Variants in NRXN3 observed in about 807,000 individuals in gnomAD.
NRXN3 encodes neurexin 3.
A neutral mutation model predicts 137.6 loss-of-function variants in NRXN3; 32 were observed. The ratio of observed to expected loss-of-function variants is 0.23; its 90% confidence interval spans 0.18 to 0.31. The LOEUF (loss-of-function observed/expected upper bound fraction) is 0.31. NRXN3 is among the 10% of genes least tolerant of loss of function. NRXN3 has a pLI of 1.00. For missense variants in NRXN3, 1,574 were observed against 2,062.5 expected (o/e 0.76, Z 4.59); for synonymous variants, 798 against 784.5 (o/e 1.02, Z -0.29).
intron 15 of NRXN3, among the ~76,000 whole-genome samples, chr14:79,078,158 G>A (rs1385520559): frequency 2.6e-5 from 4 of 152,042 alleles, no homozygotes. Flanking sequence ...GCTGCTCTTA[G>A]AATCACAGGA....
chr14:78,307,377 C>T (rs1001450418), intron 4 of NRXN3, among the ~76,000 whole-genome samples: 1 of 151,920 alleles, frequency 6.6e-6, no homozygotes, highest in African/African-American at 2.4e-5. Flanking sequence ...CATGTATTTT[C>T]CCCACTCAAT....
At chr14:79,515,772 C>A (rs1256029284) in intron 16 of NRXN3, among the ~76,000 whole-genome samples, 1 of 152,074 alleles carries the variant, frequency 6.6e-6, no homozygotes, top group East Asian at 1.9e-4. Flanking sequence ...GATAATGACA[C>A]CTTGACAGAT....
intron 1 of NRXN3, among the ~76,000 whole-genome samples, chr14:78,213,009 G>A (rs1471022797): frequency 6.6e-6 from 1 of 152,168 alleles, no homozygotes; most frequent in Non-Finnish European, 1.5e-5. Context: ...TAAGGACCTG[G>A]GTTTTATGGA....
chr14:78,730,427 C>A lies in NRXN3; in HGVS notation c.2044+15288C>A, dbSNP rs552504111. Among the ~76,000 whole-genome samples, 64 of 152,256 alleles carry A rather than the reference C, an allele frequency of 4.2e-4. No individual in the cohort carries two copies. The South Asian group carries it at 5.2e-3, about 12-fold the overall frequency. On this transcript the variant is annotated intron_variant, in intron 8 of 20. Coordinates refer to ENST00000335750, the MANE Select transcript of NRXN3 (RefSeq NM_001330195.2). ...CTTCATTATTTTTTTCCCTGATAAA[C>A]CCCACACAGTCCTTTCTTCATTTCT...
intron 4 of NRXN3, among the ~76,000 whole-genome samples, chr14:78,389,137 AC>A (rs1567447158): frequency 6.6e-6 from 1 of 151,246 alleles, no homozygotes; most frequent in African/African-American, 2.4e-5. Flanking sequence ...CTCACTGCAA[AC>A]TTTGCCTCCT....
At chr14:78,304,618 T>C (rs1048395425) in intron 4 of NRXN3, among the ~76,000 whole-genome samples, 1 of 152,178 alleles carries the variant, frequency 6.6e-6, no homozygotes, top group Admixed American at 6.5e-5. Context: ...CATTTAGGGA[T>C]TGCCCGTTCT....
At chr14:79,528,604 A>C (rs1678335768) in intron 16 of NRXN3, among the ~76,000 whole-genome samples, 1 of 152,108 alleles carries the variant, frequency 6.6e-6, no homozygotes, top group Non-Finnish European at 1.5e-5. Context: ...GATTACAGGT[A>C]ATTTTGATTC....
At chr14:78,192,017 C>A (rs1487936475) in intron 1 of NRXN3, among the ~76,000 whole-genome samples, 5 of 151,572 alleles carry the variant, frequency 3.3e-5, no homozygotes, top group Non-Finnish European at 7.4e-5. Context: ...CCACGAGGCC[C>A]CTTTGGAGAG....
chr14:79,174,504 T>TAC (rs2062105112), intron 15 of NRXN3, among the ~76,000 whole-genome samples: 4 of 146,698 alleles, frequency 2.7e-5, no homozygotes, highest in Non-Finnish European at 6.0e-5. Context: ...GAAAGTTTTA[T>TAC]ATATATATAT....
intron 2 of NRXN3, among the ~76,000 whole-genome samples, chr14:78,267,302 G>C (rs967293820): frequency 2.6e-5 from 4 of 152,118 alleles, no homozygotes; most frequent in African/African-American, 9.7e-5. Flanking sequence ...TAGCAATATT[G>C]GCATTTGAGC....
chr14:79,076,924 C>T (rs2046073692), intron 15 of NRXN3, among the ~76,000 whole-genome samples: 3 of 152,138 alleles, frequency 2.0e-5, no homozygotes, highest in African/African-American at 7.2e-5. Context: ...GCATTGTGGG[C>T]ACTCAAGTAC....
At chr14:78,439,110 A>T (rs970355966) in intron 4 of NRXN3, among the ~76,000 whole-genome samples, 2 of 152,120 alleles carry the variant, frequency 1.3e-5, no homozygotes, top group African/African-American at 2.4e-5. Flanking sequence ...GTGGGGCTTG[A>T]TCATGTTTGT....
chr14:78,766,657 T>C (rs554288247), intron 8 of NRXN3, among the ~76,000 whole-genome samples: 1 of 152,322 alleles, frequency 6.6e-6, no homozygotes, highest in African/African-American at 2.4e-5. Flanking sequence ...TATAGAGAAA[T>C]GATAACATGA....
chr14:79,445,533 A>G (rs2096048909), intron 15 of NRXN3, among the ~76,000 whole-genome samples: 1 of 152,194 alleles, frequency 6.6e-6, no homozygotes, highest in Admixed American at 6.5e-5. Context: ...AGAACACCTT[A>G]CTGCTCATGG....
intron 6 of NRXN3, among the ~76,000 whole-genome samples, chr14:78,682,638 G>C (rs1378726259): frequency 6.6e-6 from 1 of 152,028 alleles, no homozygotes; most frequent in Admixed American, 6.6e-5. Context: ...CTTACTTGTA[G>C]GAACTAATTC....
chr14:78,502,226 C>G (rs1458865702), intron 4 of NRXN3, among the ~76,000 whole-genome samples: 1 of 152,202 alleles, frequency 6.6e-6, no homozygotes, highest in African/African-American at 2.4e-5. Context: ...CCAGCTCCTT[C>G]TCCCAGCACA....
At chr14:79,234,305 T>A (rs1256353953) in intron 15 of NRXN3, among the ~76,000 whole-genome samples, 2 of 63,016 alleles carry the variant, frequency 3.2e-5, no homozygotes, top group African/African-American at 7.4e-5. Flanking sequence ...TATATATATA[T>A]ATATATATAT....
intron 15 of NRXN3, among the ~76,000 whole-genome samples, chr14:79,236,191 A>G (rs545345088): frequency 6.6e-6 from 1 of 152,258 alleles, no homozygotes; most frequent in East Asian, 1.9e-4. Flanking sequence ...AGTAGTTTCA[A>G]ATCCAGACAC....
At chr14:78,490,061 C>T (rs987751296) in intron 4 of NRXN3, among the ~76,000 whole-genome samples, 19 of 152,130 alleles carry the variant, frequency 1.2e-4, no homozygotes, top group African/African-American at 3.9e-4. Flanking sequence ...ACTGCAGGCA[C>T]ATGCCACCAT....
Sources: allele counts gnomAD v4.1 joint callset (sites outside exome capture counted in the v4.1 genomes callset), GRCh38; gene constraint gnomAD v4.1.1; transcripts MANE v1.5; gene names NCBI Gene and HGNC (gene_info 2026-07-23, HGNC 2026-07-21).